The following SLC9A7 variants were observed in gnomAD, a reference collection of about 807,000 sequenced individuals.
SLC9A7 encodes the protein solute carrier family 9 member A7, also known as sodium/hydrogen exchanger 7.
In SLC9A7, 19 loss-of-function variants were observed where a neutral mutation model predicts 52.6. That is an observed-to-expected ratio of 0.36 (90% CI 0.25 to 0.53). SLC9A7 has a LOEUF of 0.53. Ranked by LOEUF, SLC9A7 falls within the 20% of genes least tolerant of loss-of-function variation. The probability of loss-of-function intolerance (pLI) is 0.91; values close to 1 mark genes in which losing one functional copy is unlikely to be tolerated. For missense variants in SLC9A7, 455 were observed against 597.9 expected (o/e 0.76, Z 2.49); for synonymous variants, 226 against 252.1 (o/e 0.90, Z 0.98).
intron 1 of SLC9A7, among the ~76,000 whole-genome samples, chrX:46,690,186 C>T (rs1944361621): frequency 8.9e-6 from 1 of 112,148 alleles, no homozygotes; most frequent in Admixed American, 9.5e-5. Context: ...TTTTTAACCA[C>T]TGTCCCCTAC....
intron 12 of SLC9A7, among the ~76,000 whole-genome samples, chrX:46,637,768 G>A (rs1943345331): frequency 8.9e-6 from 1 of 112,554 alleles, no homozygotes; most frequent in African/African-American, 3.2e-5. Flanking sequence ...TCAAGAGACT[G>A]AGAAAAATAT....
Position 46,606,940 on chromosome X carries a change from T to G in SLC9A7, c.*12A>C, listed in dbSNP as rs749369473. The G allele has an allele frequency of 1.7e-6, 2 of 1,208,913 alleles. No homozygotes were observed. The highest frequency in any genetic ancestry group is 3.5e-5 in the African/African-American group (2 of 56,903). ...GGAGCCTACCCCATCGCGCCAGGGC[T>G]TGGGGGGAAAGTCAAGCATTATCTT... On this transcript the variant is annotated 3_prime_UTR_variant, in exon 17 of 17. Coordinates refer to ENST00000616978, the MANE Select transcript of SLC9A7 (RefSeq NM_001257291.2).
intron 7 of SLC9A7, among the ~76,000 whole-genome samples, chrX:46,657,450 C>G (rs1237856552): frequency 9.1e-6 from 1 of 110,141 alleles, no homozygotes; most frequent in Non-Finnish European, 1.9e-5. Context: ...GAGTCAAGAC[C>G]CATCAGTGTG....
chrX:46,651,435 T>TG lies in SLC9A7; in HGVS notation c.1148-32dup, dbSNP rs201148388. The stretch of plus-strand genomic sequence containing the variant: ...AAAACATCCCCCCAAAAAAAATCAA[T>TG]GGAAAAAAAAGAGGCAGGGGAAAAA... On this transcript the variant is annotated intron_variant, in intron 8 of 16. Coordinates refer to ENST00000616978, the MANE Select transcript of SLC9A7 (RefSeq NM_001257291.2). 3,504 of 1,107,971 alleles carry TG rather than the reference T, an allele frequency of 3.2e-3. 125 individuals carry two copies. In the East Asian group the frequency reaches 0.097, roughly 31 times the overall value. The allele number at this position is 1,107,971 out of a possible 1,213,427, so 91.3% of individuals were successfully genotyped here.
chrX:46,678,814 C>T (rs2146861383), intron 3 of SLC9A7, among the ~76,000 whole-genome samples: 1 of 111,690 alleles, frequency 9.0e-6, no homozygotes, highest in South Asian at 3.7e-4. Context: ...TCTCATGTAG[C>T]CTTCACCCAG....
At chrX:46,722,074 GGTGGGTGTGTGT>G (rs1944869340) in intron 1 of SLC9A7, among the ~76,000 whole-genome samples, 1 of 111,274 alleles carries the variant, frequency 9.0e-6, no homozygotes, top group Non-Finnish European at 1.9e-5. Flanking sequence ...GTTTCTCTCT[GGTGGGTGTGTGT>G]GTGGGTGTGG....
intron 4 of SLC9A7, among the ~76,000 whole-genome samples, chrX:46,670,098 A>C (rs1943994797): frequency 8.9e-6 from 1 of 111,894 alleles, no homozygotes; most frequent in Non-Finnish European, 1.9e-5. Context: ...AAAACTCATA[A>C]GACTCTAAGA....
At position 46,651,214 on chromosome X, in the gene SLC9A7, C is replaced by A. The variant is rs764790397; in HGVS notation, c.1246G>T (p.Val416Leu). Residue 416 changes from valine (V) to leucine (L), a missense_variant, in exon 10 of 17, where the codon GTG becomes TTG. Val to Leu is a conservative substitution (Grantham distance 32). Around this residue, in one of 3 missense-constraint regions of SLC9A7, gnomAD observed 304 missense variants for 417.8 expected, o/e 0.73. Coordinates refer to ENST00000616978, the MANE Select transcript of SLC9A7 (RefSeq NM_001257291.2). ...SRSRTKQLFE[V>L]LHFLAENFIF... Reference sequence around the variant, plus strand: ...AAGTTCTCTGCCAGGAAATGTAACACCTCAAAGAGCTGCACAGAGAAGGGA... The same window carrying A: ...AAGTTCTCTGCCAGGAAATGTAACAACTCAAAGAGCTGCACAGAGAAGGGA... The A allele has an allele frequency of 8.3e-7, 1 of 1,198,110 alleles. No homozygotes were observed. The highest frequency in any genetic ancestry group is 1.1e-6 in the Non-Finnish European group (1 of 884,326).
intron 16 of SLC9A7, among the ~76,000 whole-genome samples, chrX:46,612,013 C>T (rs1942859581): frequency 9.0e-6 from 1 of 111,666 alleles, no homozygotes. Context: ...TGTGTTCTGC[C>T]TTCTCATCAC....
chrX:46,663,049 T>C (rs1381505647), intron 5 of SLC9A7, among the ~76,000 whole-genome samples: 3 of 112,620 alleles, frequency 2.7e-5, no homozygotes, highest in Non-Finnish European at 5.6e-5. Flanking sequence ...TTAATGAGAT[T>C]TTGGTCGGGC....
At chrX:46,652,934 A>G (rs1488494958) in intron 8 of SLC9A7, among the ~76,000 whole-genome samples, 1 of 112,320 alleles carries the variant, frequency 8.9e-6, no homozygotes, top group African/African-American at 3.2e-5. Context: ...CCTTTAAAGG[A>G]CACATATTTT....
At chrX:46,682,177 T>G (rs1016742859) in intron 2 of SLC9A7, among the ~76,000 whole-genome samples, 159 bp downstream of exon 2, 1 of 111,180 alleles carries the variant, frequency 9.0e-6, no homozygotes, top group African/African-American at 3.3e-5. Flanking sequence ...GGTTCTTCCT[T>G]CTCCTCATCA....
intron 1 of SLC9A7, among the ~76,000 whole-genome samples, chrX:46,748,073 A>G (rs1165526804): frequency 4.5e-5 from 5 of 111,696 alleles, no homozygotes; most frequent in Non-Finnish European, 9.4e-5. Context: ...ATGGCCAGGT[A>G]CAGTGGCTCA....
At chrX:46,699,494 TCCAA>T (rs1302456326) in intron 1 of SLC9A7, among the ~76,000 whole-genome samples, 1 of 111,950 alleles carries the variant, frequency 8.9e-6, no homozygotes, top group Non-Finnish European at 1.9e-5. Flanking sequence ...CAATATGGTA[TCCAA>T]GTGTAGGTTG....
intron 5 of SLC9A7, among the ~76,000 whole-genome samples, chrX:46,668,117 C>G (rs1232282211): frequency 8.9e-6 from 1 of 112,172 alleles, no homozygotes; most frequent in Admixed American, 9.5e-5. Flanking sequence ...AACCCAAATG[C>G]TATGTTACAT....
At chrX:46,610,074 A>C (rs779274529) in intron 16 of SLC9A7, among the ~76,000 whole-genome samples, 21 of 112,414 alleles carry the variant, frequency 1.9e-4, no homozygotes, top group Non-Finnish European at 3.8e-4. Flanking sequence ...AAGTCTAATA[A>C]TGTTACATGC....
intron 3 of SLC9A7, among the ~76,000 whole-genome samples, chrX:46,673,785 G>A (rs990035262): frequency 1.8e-5 from 2 of 111,253 alleles, no homozygotes; most frequent in Non-Finnish European, 3.8e-5. Context: ...CCTTCCCAGT[G>A]CTTGCCCCTA....
At chrX:46,739,344 G>A (rs1921156750) in intron 1 of SLC9A7, among the ~76,000 whole-genome samples, 1 of 111,386 alleles carries the variant, frequency 9.0e-6, no homozygotes, top group Non-Finnish European at 1.9e-5. Context: ...ACCAGAATAG[G>A]TATTCAATCT....
At chrX:46,620,660 A>G (rs1170601907) in intron 15 of SLC9A7, among the ~76,000 whole-genome samples, 1 of 111,396 alleles carries the variant, frequency 9.0e-6, no homozygotes, top group Non-Finnish European at 1.9e-5. Flanking sequence ...TGACCACAGC[A>G]CGATTCATTG....
Sources: gnomAD v4.1 joint callset for allele counts (sites outside exome capture counted in the v4.1 genomes callset) on GRCh38, gnomAD v4.1.1 for gene constraint, gnomAD v4.1.1 regional missense constraint, MANE v1.5 for transcripts, NCBI Gene and HGNC (gene_info 2026-07-23, HGNC 2026-07-21) for gene names.